Variants in RAB38 observed in about 807,000 individuals in gnomAD.
RAB38 encodes ras-related protein Rab-38.
Under a neutral mutation model 18.4 loss-of-function variants are expected in RAB38, and 15 were observed. The observed-to-expected ratio is 0.82, with a 90% CI of 0.55 to 1.26. The LOEUF is 1.26. Among genes scored for constraint, RAB38 ranks in the 50% most tolerant of loss-of-function variants. RAB38 has a pLI of 0.00. For synonymous variants in RAB38, 101 were observed against 104.4 expected (o/e 0.97, Z 0.20); for missense variants, 294 against 267.4 (o/e 1.10, Z -0.69).
the RAB38 span, among the ~76,000 whole-genome samples, chr11:87,910,633 C>CTTTTTTTTTTTTTTTTTTTTTTT: frequency 1.5e-5 from 2 of 131,104 alleles, no homozygotes; most frequent in Admixed American, 8.2e-5. Flanking sequence ...AGTTCATTTT[C>CTTTTTTTTTTTTTTTTTTTTTTT]TTTTTTTTTT....
At chr11:88,138,789 ATTAT>A (rs1942867139) in intron 2 of RAB38, among the ~76,000 whole-genome samples, 1 of 55,700 alleles carries the variant, frequency 1.8e-5, no homozygotes, top group East Asian at 5.1e-4. Context: ...TTTTTTTTTT[ATTAT>A]TTTTTTTGAG....
chr11:87,977,345 ATATATTATATAAGTATATTATAAAAT>A, the RAB38 span, among the ~76,000 whole-genome samples: 1 of 112,618 alleles, frequency 8.9e-6, no homozygotes, highest in Non-Finnish European at 1.7e-5. Flanking sequence ...TTATAAAATT[ATATATTATATAAGTATATTATAAAAT>A]TATATTATAA....
the RAB38 span, among the ~76,000 whole-genome samples, chr11:88,061,078 G>T: frequency 6.6e-6 from 1 of 152,176 alleles, no homozygotes; most frequent in South Asian, 2.1e-4. Context: ...CATTATCCGT[G>T]CCCTACAATG....
chr11:88,046,453 T>C, the RAB38 span, among the ~76,000 whole-genome samples: 1 of 152,186 alleles, frequency 6.6e-6, no homozygotes, highest in Non-Finnish European at 1.5e-5. Context: ...TTCTTTACTA[T>C]TCTTTTGCAC....
the RAB38 span, among the ~76,000 whole-genome samples, chr11:87,925,035 T>C: frequency 6.6e-6 from 1 of 151,970 alleles, no homozygotes; most frequent in African/African-American, 2.4e-5. Context: ...GTGGTAGGGA[T>C]GGTGATGTCT....
the RAB38 span, among the ~76,000 whole-genome samples, chr11:88,028,219 A>C: frequency 1.3e-5 from 2 of 152,148 alleles, no homozygotes; most frequent in Non-Finnish European, 2.9e-5. Context: ...CACACCAAAA[A>C]CCCATCTGTT....
At chr11:88,009,623 C>A in the RAB38 span, among the ~76,000 whole-genome samples, 7 of 152,068 alleles carry the variant, frequency 4.6e-5, no homozygotes, top group Non-Finnish European at 7.4e-5. Flanking sequence ...TTCGATGATT[C>A]TGTTGAAGTG....
chr11:87,947,880 CTT>C, the RAB38 span, among the ~76,000 whole-genome samples: 6 of 152,160 alleles, frequency 3.9e-5, no homozygotes, highest in African/African-American at 1.4e-4. Context: ...AATGCAGTCT[CTT>C]TTTTGGTTCC....
At chr11:88,127,851 A>C (rs1200875628) in intron 2 of RAB38, among the ~76,000 whole-genome samples, 1 of 152,202 alleles carries the variant, frequency 6.6e-6, no homozygotes, top group Admixed American at 6.5e-5. Context: ...ATCTATGGTC[A>C]CACACATGTA....
chr11:87,887,319 G>A, the RAB38 span, among the ~76,000 whole-genome samples: 1 of 151,966 alleles, frequency 6.6e-6, no homozygotes, highest in Non-Finnish European at 1.5e-5. Context: ...CTGCTGCCCT[G>A]AGCATCCTTG....
At chr11:87,822,891 A>C in the RAB38 span, among the ~76,000 whole-genome samples, 1 of 152,240 alleles carries the variant, frequency 6.6e-6, no homozygotes, top group Non-Finnish European at 1.5e-5. Context: ...AAAGGAAACT[A>C]ATGCAATTAT....
intron 1 of RAB38, among the ~76,000 whole-genome samples, chr11:88,158,187 GA>G (rs1241556049): frequency 1.3e-5 from 2 of 152,030 alleles, no homozygotes; most frequent in Non-Finnish European, 2.9e-5. Context: ...TAGAGGAAAT[GA>G]ATAAATTCCT....
the RAB38 span, among the ~76,000 whole-genome samples, chr11:87,854,078 C>A: frequency 6.6e-6 from 1 of 152,084 alleles, no homozygotes; most frequent in Non-Finnish European, 1.5e-5. Context: ...ATGATCTAGG[C>A]TAAATATCCT....
chr11:87,961,219 A>G, the RAB38 span, among the ~76,000 whole-genome samples: 1 of 152,150 alleles, frequency 6.6e-6, no homozygotes, highest in African/African-American at 2.4e-5. Flanking sequence ...TCCCAGCCAG[A>G]GTAAAAGCTG....
At chr11:88,107,755 T>C in the RAB38 span, among the ~76,000 whole-genome samples, 10 of 152,180 alleles carry the variant, frequency 6.6e-5, no homozygotes, top group Non-Finnish European at 1.0e-4. Flanking sequence ...TGTGGGCATT[T>C]AGTGCTATAA....
At chr11:88,082,356 C>G in the RAB38 span, among the ~76,000 whole-genome samples, 2 of 151,608 alleles carry the variant, frequency 1.3e-5, no homozygotes, top group African/African-American at 2.4e-5. Context: ...TCAGGACATG[C>G]AAAGCCAAAA....
At chr11:88,170,186 A>C (rs1240986758) in intron 1 of RAB38, among the ~76,000 whole-genome samples, 2 of 152,126 alleles carry the variant, frequency 1.3e-5, no homozygotes, top group Non-Finnish European at 2.9e-5. Flanking sequence ...ATTTTTGCTC[A>C]CTGTACACAT....
the RAB38 span, among the ~76,000 whole-genome samples, chr11:87,954,981 GTAGCGGGTTGGAGTAAA>G: frequency 1.9e-3 from 297 of 152,324 alleles, 1 homozygote; most frequent in African/African-American, 6.8e-3. Flanking sequence ...TATATACTAA[GTAGCGGGTTGGAGTAAA>G]TTTGGTGAAA....
At chr11:87,849,844 G>T in the RAB38 span, among the ~76,000 whole-genome samples, 1 of 151,994 alleles carries the variant, frequency 6.6e-6, no homozygotes, top group East Asian at 1.9e-4. Flanking sequence ...CTTGTTTCTT[G>T]CCTTCTTGAA....
Sources: gnomAD v4.1 joint callset for allele counts (sites outside exome capture counted in the v4.1 genomes callset) on GRCh38, gnomAD v4.1.1 for gene constraint, MANE v1.5 for transcripts, NCBI Gene and HGNC (gene_info 2026-07-23, HGNC 2026-07-21) for gene names.